Variants in LHFPL3 observed in about 807,000 individuals in gnomAD.
LHFPL3 encodes LHFPL tetraspan subfamily member 3 protein.
Under a neutral mutation model 19.3 loss-of-function variants are expected in LHFPL3, and 5 were observed. The observed-to-expected ratio is 0.26, with a 90% confidence interval of 0.14 to 0.54. The LOEUF is 0.54. Ranked by LOEUF, LHFPL3 falls within the 20% of genes least tolerant of loss-of-function variation. The pLI, the probability that LHFPL3 is intolerant of heterozygous loss-of-function variation, is 0.94. For synonymous variants in LHFPL3, 133 were observed against 126.2 expected (o/e 1.05, Z -0.36); for missense variants, 249 against 307.4 (o/e 0.81, Z 1.42).
intron 2 of LHFPL3, among the ~76,000 whole-genome samples, chr7:104,767,421 C>A (rs375554517): frequency 1.3e-5 from 2 of 152,200 alleles, no homozygotes; most frequent in East Asian, 3.8e-4. Context: ...AGAGGAATCA[C>A]CCCACCTCCG....
At chr7:104,719,479 T>C (rs191941531) in intron 1 of LHFPL3, among the ~76,000 whole-genome samples, 3 of 152,330 alleles carry the variant, frequency 2.0e-5, no homozygotes, top group South Asian at 2.1e-4. Flanking sequence ...TACATGAATT[T>C]ATGCAATAAA....
chr7:104,782,233 T>A (rs1789817976), intron 2 of LHFPL3, among the ~76,000 whole-genome samples: 3 of 152,248 alleles, frequency 2.0e-5, no homozygotes, highest in Non-Finnish European at 4.4e-5. Flanking sequence ...CTCCACATGG[T>A]CTCTTCAGCA....
At chr7:104,881,575 A>C (rs1348053851) in intron 2 of LHFPL3, among the ~76,000 whole-genome samples, 2 of 152,232 alleles carry the variant, frequency 1.3e-5, no homozygotes, top group Admixed American at 6.5e-5. Flanking sequence ...CTTATGAATG[A>C]ACAAAGAAAG....
intron 1 of LHFPL3, among the ~76,000 whole-genome samples, chr7:104,675,139 G>A (rs1395013022): frequency 1.3e-5 from 2 of 152,254 alleles, no homozygotes; most frequent in African/African-American, 2.4e-5. Context: ...AATCTCCATG[G>A]TGGGAGGCAG....
chr7:104,434,016 T>A lies in LHFPL3; in HGVS notation c.445+104792T>A, dbSNP rs370589019. On this transcript the variant is annotated intron_variant, in intron 1 of 2. Coordinates refer to ENST00000424859, the MANE Select transcript of LHFPL3 (RefSeq NM_199000.3). ...CTTATATGTAAGCCTATTACATTTTTCTTTTAAATGCTAAGTAAATTGGGG... is the reference window on the plus strand; with the variant it reads ...CTTATATGTAAGCCTATTACATTTTACTTTTAAATGCTAAGTAAATTGGGG... 2.6e-4 allele frequency among the ~76,000 whole-genome samples: 40 copies of A among 152,370 alleles called. No homozygotes were observed. In the South Asian group the frequency reaches 7.0e-3, roughly 27 times the overall value.
chr7:104,802,766 G>A (rs777833854), intron 2 of LHFPL3: 12 of 152,218 alleles, frequency 7.9e-5, no homozygotes, highest in Non-Finnish European at 1.5e-4. Context: ...GTATCTGTGA[G>A]CTGTCTCACA....
At chr7:104,585,094 T>TC (rs1224124886) in intron 1 of LHFPL3, among the ~76,000 whole-genome samples, 4 of 152,126 alleles carry the variant, frequency 2.6e-5, no homozygotes, top group Non-Finnish European at 5.9e-5. Context: ...TTGTCCTCTG[T>TC]CCTTCTCCCT....
chr7:104,819,758 T>G (rs1790642331), intron 2 of LHFPL3, among the ~76,000 whole-genome samples: 1 of 152,172 alleles, frequency 6.6e-6, no homozygotes, highest in Non-Finnish European at 1.5e-5. Flanking sequence ...ATGTGCGTAC[T>G]TTAACAGGGA....
intron 2 of LHFPL3, among the ~76,000 whole-genome samples, chr7:104,865,311 A>T (rs1791699624): frequency 6.6e-6 from 1 of 152,158 alleles, no homozygotes. Flanking sequence ...CATGGCAAAG[A>T]AGTTAAAAAC....
intron 1 of LHFPL3, among the ~76,000 whole-genome samples, chr7:104,643,532 G>T (rs748835432): frequency 6.6e-6 from 1 of 152,104 alleles, no homozygotes; most frequent in Non-Finnish European, 1.5e-5. Flanking sequence ...TTTAAGTCTT[G>T]CAATCTCCAG....
chr7:104,901,688 C>G (rs1413449455), intron 2 of LHFPL3, among the ~76,000 whole-genome samples: 1 of 152,136 alleles, frequency 6.6e-6, no homozygotes, highest in Non-Finnish European at 1.5e-5. Flanking sequence ...CCACCTAAAC[C>G]TCCCACATAG....
chr7:104,854,787 A>C (rs1356581596), intron 2 of LHFPL3, among the ~76,000 whole-genome samples: 1 of 152,264 alleles, frequency 6.6e-6, no homozygotes, highest in Non-Finnish European at 1.5e-5. Context: ...TTGTCTAAGT[A>C]AAATGTGCAG....
In LHFPL3 at chr7:104,736,801, T is replaced by A; in HGVS notation, c.572T>A (p.Ile191Asn). The A allele has an allele frequency of 1.2e-6, 2 of 1,613,528 alleles. No individual in the cohort carries two copies. The highest frequency in any genetic ancestry group is 1.7e-6 in the Non-Finnish European group (2 of 1,179,774). Residue 191 changes from isoleucine to asparagine, a missense_variant, in exon 2 of 3, where the codon ATC (isoleucine) becomes AAC (asparagine). By Grantham distance (149) the Ile-to-Asn change is moderately radical. Coordinates refer to ENST00000424859, the MANE Select transcript of LHFPL3 (RefSeq NM_199000.3). ...LGACSVRWAYILAIIGILDAL... is the reference protein window; with the variant it reads ...LGACSVRWAYNLAIIGILDAL... ...GCTTGCTCAGTCCGCTGGGCATACA[T>A]CCTGGCTATTATTGGAATTTTGGAT...
intron 1 of LHFPL3, among the ~76,000 whole-genome samples, chr7:104,407,069 C>T (rs963133050): frequency 1.3e-5 from 2 of 152,142 alleles, no homozygotes; most frequent in African/African-American, 4.8e-5. Flanking sequence ...GATCACAGTA[C>T]TGACATCACA....
At chr7:104,747,430 AT>A (rs893256435) in intron 2 of LHFPL3, among the ~76,000 whole-genome samples, 3 of 152,174 alleles carry the variant, frequency 2.0e-5, no homozygotes, top group Non-Finnish European at 4.4e-5. Context: ...AAAGACAAGA[AT>A]CCCCCGTGTA....
chr7:104,606,123 A>G (rs980991008), intron 1 of LHFPL3, among the ~76,000 whole-genome samples: 4 of 152,140 alleles, frequency 2.6e-5, no homozygotes, highest in African/African-American at 9.7e-5. Context: ...GGCCTCCCAA[A>G]GTGTTGAGAT....
chr7:104,346,099 G>A (rs1350775270), intron 1 of LHFPL3, among the ~76,000 whole-genome samples: 1 of 146,956 alleles, frequency 6.8e-6, no homozygotes, highest in Non-Finnish European at 1.5e-5. Context: ...GCAGTGGTGT[G>A]ATCTTGGCTC....
intron 1 of LHFPL3, among the ~76,000 whole-genome samples, chr7:104,617,667 A>T (rs1297198476): frequency 6.6e-6 from 1 of 152,232 alleles, no homozygotes; most frequent in African/African-American, 2.4e-5. Context: ...TTAGATGCAT[A>T]CTTTCCCTTT....
intron 1 of LHFPL3, among the ~76,000 whole-genome samples, chr7:104,645,810 G>A (rs1029846817): frequency 4.0e-5 from 6 of 151,612 alleles, no homozygotes; most frequent in Admixed American, 1.3e-4. Context: ...ACAGGCGCCC[G>A]CCACCACACC....
Sources: allele counts gnomAD v4.1 joint callset (sites outside exome capture counted in the v4.1 genomes callset), GRCh38; gene constraint gnomAD v4.1.1; transcripts MANE v1.5; gene names NCBI Gene and HGNC (gene_info 2026-07-23, HGNC 2026-07-21).